The following PKHD1 variants were observed in gnomAD, a reference collection of about 807,000 sequenced individuals.
The protein encoded by PKHD1 is PKHD1 ciliary IPT domain containing fibrocystin/polyductin.
In PKHD1, 291 loss-of-function variants were observed where a neutral mutation model predicts 412.0. That is an observed-to-expected ratio of 0.71 (90% CI 0.64 to 0.78). The LOEUF is 0.78. PKHD1 is among the 30% of genes least tolerant of loss of function. The pLI, the probability that PKHD1 is intolerant of heterozygous loss-of-function variation, is 0.00. For missense variants in PKHD1, 4,825 were observed against 4,950.7 expected (o/e 0.97, Z 0.76); for synonymous variants, 1,777 against 1,821.5 (o/e 0.98, Z 0.62).
At chr6:51,979,090 T>C (rs1489867208) in intron 35 of PKHD1, among the ~76,000 whole-genome samples, 4 of 152,184 alleles carry the variant, frequency 2.6e-5, no homozygotes, top group Non-Finnish European at 4.4e-5. Flanking sequence ...CAGCGTCCAA[T>C]AGGTAACCAA....
intron 63 of PKHD1, among the ~76,000 whole-genome samples, chr6:51,647,205 G>A (rs1480761584): frequency 6.6e-6 from 1 of 152,140 alleles, no homozygotes; most frequent in Non-Finnish European, 1.5e-5. Flanking sequence ...AAATTAATAT[G>A]TGTCTCTTTT....
Position 51,939,001 on chromosome 6 carries a change from A to G in PKHD1, c.5909-4679T>C, listed in dbSNP as rs896395733. ...TCCATGGACCCAAAACTCTGGCGCC[A>G]GTCACGGACTCAGGAAGACAGTCTT... On this transcript the variant is annotated intron_variant, in intron 36 of 66. Coordinates refer to ENST00000371117, the MANE Select transcript of PKHD1 (RefSeq NM_138694.4). Among the ~76,000 whole-genome samples the G allele has an allele frequency of 5.9e-5, 9 of 151,606 alleles. 1 individual carries two copies. Among genetic ancestry groups the G allele is most frequent in the African/African-American group, 7.2e-5 (3 of 41,392 alleles).
intron 60 of PKHD1, among the ~76,000 whole-genome samples, chr6:51,676,864 CA>C (rs1236583639): frequency 6.6e-6 from 1 of 151,902 alleles, no homozygotes; most frequent in East Asian, 1.9e-4. Context: ...CAATTCTAAG[CA>C]AAAAATCATT....
chr6:51,745,104 AT>A (rs1359975008), intron 59 of PKHD1, among the ~76,000 whole-genome samples: 1 of 152,112 alleles, frequency 6.6e-6, no homozygotes, highest in Non-Finnish European at 1.5e-5. Context: ...AACTTATTTT[AT>A]TTCCCCTAAT....
chr6:52,032,397 C>T (rs1010821204), intron 29 of PKHD1, among the ~76,000 whole-genome samples: 11 of 152,168 alleles, frequency 7.2e-5, no homozygotes, highest in African/African-American at 2.7e-4. Context: ...TCCTCTGAAT[C>T]ATCAAAGAAA....
intron 11 of PKHD1, among the ~76,000 whole-genome samples, chr6:52,067,011 G>GACATTTCTA (rs1244814700): frequency 1.3e-5 from 2 of 152,150 alleles, no homozygotes; most frequent in African/African-American, 4.8e-5. Flanking sequence ...ATCAAGCTTT[G>GACATTTCTA]ACATTTCTAA....
intron 16 of PKHD1, 64 bp from the exon 17 acceptor site, chr6:52,057,043 G>A: frequency 9.6e-7 from 1 of 1,041,796 alleles, no homozygotes; most frequent in Non-Finnish European, 1.5e-6. Flanking sequence ...GACAATCTAA[G>A]AACACAGGAC....
At chr6:51,970,524 C>G (rs2127990596) in intron 35 of PKHD1, among the ~76,000 whole-genome samples, 1 of 152,242 alleles carries the variant, frequency 6.6e-6, no homozygotes, top group African/African-American at 2.4e-5. Flanking sequence ...AATACTTTGC[C>G]TAGGCCAATA....
intron 36 of PKHD1, among the ~76,000 whole-genome samples, chr6:51,947,348 A>G (rs1427720985): frequency 6.6e-6 from 1 of 152,224 alleles, no homozygotes; most frequent in Non-Finnish European, 1.5e-5. Flanking sequence ...ATCATGTGCT[A>G]TATTCTATAC....
In PKHD1 at chr6:52,034,766, TAAAC is replaced by T. The variant is rs751840110; in HGVS notation, c.3228+821_3228+824del. On this transcript the variant is annotated intron_variant, in intron 28 of 66. Transcript: ENST00000371117. ...TAAGTGTCTGGTAATAAGGAATAGT[TAAAC>T]AAATTAGAGTACAACCACATATTGG... Among the ~76,000 whole-genome samples, 93 of 152,342 alleles carry T rather than the reference TAAAC, an allele frequency of 6.1e-4. No homozygotes were observed. The Middle Eastern group carries it at 0.01, about 17-fold the overall frequency.
In PKHD1 at chr6:51,649,175, G is replaced by C. The variant is rs1770533755; in HGVS notation, c.11220C>G (p.Pro3740=). 3.1e-6 allele frequency: 5 copies of C among 1,612,128 alleles called. No homozygotes were observed. Among genetic ancestry groups the C allele is most frequent in the Non-Finnish European group, 4.2e-6 (5 of 1,178,298 alleles). Residue 3740 remains proline, a synonymous_variant, in exon 62 of 67, where the codon CCC becomes CCG. Transcript: ENST00000371117. ...FKTGNLIYIR[P]YALSILVQPS... ...GCTGGACTAGGATGGAAAGTGCATA[G>C]GGCCGAATATATATCAAGTTCCCAG...
intron 63 of PKHD1, among the ~76,000 whole-genome samples, chr6:51,641,054 T>C (rs1435304244): frequency 6.6e-6 from 1 of 152,218 alleles, no homozygotes; most frequent in African/African-American, 2.4e-5. Flanking sequence ...CAAATGCTTT[T>C]GGTGCATTCT....
chr6:51,664,079 A>T (rs959541075), intron 60 of PKHD1, among the ~76,000 whole-genome samples: 6 of 152,134 alleles, frequency 3.9e-5, no homozygotes, highest in Admixed American at 3.9e-4. Context: ...TGTAATTAAC[A>T]TTTTTTTGGA....
At chr6:52,005,548 T>C (rs1475107018) in intron 35 of PKHD1, among the ~76,000 whole-genome samples, 2 of 152,170 alleles carry the variant, frequency 1.3e-5, no homozygotes, top group Non-Finnish European at 1.5e-5. Context: ...CTTCATAGCA[T>C]AGCACAAATG....
At chr6:51,697,381 A>C (rs777448591) in intron 60 of PKHD1, among the ~76,000 whole-genome samples, 24 of 152,320 alleles carry the variant, frequency 1.6e-4, no homozygotes, top group East Asian at 7.7e-4. Context: ...GTCTCTTGTG[A>C]AAATCCCATC....
chr6:51,726,008 C>T (rs542586146), intron 60 of PKHD1, among the ~76,000 whole-genome samples: 6 of 152,178 alleles, frequency 3.9e-5, no homozygotes, highest in Non-Finnish European at 7.3e-5. Flanking sequence ...TTAGTGAGTG[C>T]TGCAGGCATC....
At chr6:51,833,880 A>T (rs1375328428) in intron 51 of PKHD1, among the ~76,000 whole-genome samples, 1 of 152,184 alleles carries the variant, frequency 6.6e-6, no homozygotes, top group Non-Finnish European at 1.5e-5. Context: ...GAAGCTTTAG[A>T]TAAATTAGAC....
In PKHD1 at chr6:51,616,527, A is replaced by ATTT. The variant is rs113144792; in HGVS notation, c.*2551_*2553dup. 88 of 360,994 alleles carry ATTT rather than the reference A, an allele frequency of 2.4e-4. No individual in the cohort carries two copies. Among genetic ancestry groups the ATTT allele is most frequent in the South Asian group, 7.8e-4 (5 of 6,404 alleles). 22.4% of individuals were successfully genotyped at this position (360,994 alleles called of 1,614,324 possible). A position where few individuals can be genotyped will look rare whatever the true frequency, so the allele number is the denominator to read the frequency against. ...CTTTTGGTGTTTCCCTAATTCTCTCATTTTTTTTTTTTTTTAGGAGAAAGA... is the reference window on the plus strand; with the variant it reads ...CTTTTGGTGTTTCCCTAATTCTCTCATTTTTTTTTTTTTTTTTTAGGAGAAAGA... On this transcript the variant is annotated 3_prime_UTR_variant, in exon 67 of 67. Transcript: ENST00000371117.
chr6:52,019,826 C>T (rs2128133699), intron 33 of PKHD1, among the ~76,000 whole-genome samples: 1 of 152,320 alleles, frequency 6.6e-6, no homozygotes, highest in East Asian at 1.9e-4. Flanking sequence ...TTTGGCAACT[C>T]ATTACAAGAA....
Sources: allele counts gnomAD v4.1 joint callset (sites outside exome capture counted in the v4.1 genomes callset), GRCh38; gene constraint gnomAD v4.1.1; transcripts MANE v1.5; gene names NCBI Gene and HGNC (gene_info 2026-07-23, HGNC 2026-07-21).